CLSTN2: variants seen among roughly 807,000 people sequenced by gnomAD.
The protein encoded by CLSTN2 is calsyntenin-2.
A neutral mutation model predicts 101.2 loss-of-function variants in CLSTN2; 48 were observed. The ratio of observed to expected loss-of-function variants is 0.47; its 90% CI spans 0.38 to 0.60. CLSTN2 has a LOEUF of 0.60. Among genes scored for constraint, CLSTN2 ranks in the 20% least tolerant of loss-of-function variants. The pLI is 0.00. For missense variants in CLSTN2, 1,160 were observed against 1,238.2 expected, an observed-to-expected ratio of 0.94 and a Z score of 0.95; for synonymous variants, 481 against 463.6, an observed-to-expected ratio of 1.04 and a Z score of -0.48.
At chr3:140,274,089 C>G (rs115861241) in intron 2 of CLSTN2, among the ~76,000 whole-genome samples, 1 of 152,260 alleles carries the variant, frequency 6.6e-6, no homozygotes, top group South Asian at 2.1e-4. Flanking sequence ...ACCTCTGAGA[C>G]AGTGTCCTGG....
intron 1 of CLSTN2, among the ~76,000 whole-genome samples, chr3:140,161,462 C>CTT (rs2010045143): frequency 6.6e-6 from 1 of 152,112 alleles, no homozygotes; most frequent in East Asian, 1.9e-4. Flanking sequence ...AAGATGCTCC[C>CTT]CTTCCTTTTT....
intron 5 of CLSTN2, among the ~76,000 whole-genome samples, chr3:140,434,431 G>A (rs569995135): frequency 3.5e-4 from 53 of 152,310 alleles, no homozygotes; most frequent in African/African-American, 1.2e-3. Context: ...CAGCCCCTGG[G>A]AACCATGAGC....
At chr3:140,510,049 T>G (rs901160537) in intron 8 of CLSTN2, among the ~76,000 whole-genome samples, 2 of 152,244 alleles carry the variant, frequency 1.3e-5, no homozygotes, top group Non-Finnish European at 2.9e-5. Flanking sequence ...TACATTAGCC[T>G]ACAATTGGGC....
At chr3:140,482,061 T>C (rs1934129542) in intron 8 of CLSTN2, among the ~76,000 whole-genome samples, 1 of 152,228 alleles carries the variant, frequency 6.6e-6, no homozygotes, top group Non-Finnish European at 1.5e-5. Context: ...TTTTTGCCCA[T>C]TCAGTATGAT....
At chr3:140,215,971 G>A in intron 2 of CLSTN2, among the ~76,000 whole-genome samples, 1 of 152,128 alleles carries the variant, frequency 6.6e-6, no homozygotes, top group East Asian at 1.9e-4. Context: ...CCAACCCCTG[G>A]GGCCTCGGGC....
intron 1 of CLSTN2, among the ~76,000 whole-genome samples, chr3:140,005,297 T>C (rs1407361744): frequency 2.0e-5 from 3 of 152,336 alleles, no homozygotes; most frequent in African/African-American, 4.8e-5. Flanking sequence ...CTCTCCTCAC[T>C]CCAGATCTTC....
intron 1 of CLSTN2, among the ~76,000 whole-genome samples, chr3:140,124,663 C>G (rs2009400958): frequency 6.6e-6 from 1 of 152,140 alleles, no homozygotes; most frequent in Non-Finnish European, 1.5e-5. Context: ...GGGCAGCCAT[C>G]AGAGGCCCTG....
rs1489675036 is a variant in CLSTN2 at position 140,556,422 on chromosome 3, C to T, written c.1675-91C>T. The T allele has an allele frequency of 6.4e-6, 8 of 1,258,780 alleles. No homozygotes were observed. The East Asian group carries it at 7.0e-5, about 11-fold the overall frequency. The allele number at this position is 1,258,780 out of a possible 1,614,324, so 78.0% of individuals were successfully genotyped here. On this transcript the variant is annotated intron_variant, in intron 10 of 16. Transcript: ENST00000458420. ...ATGCTCTAGAGGTGTTTATGGTGAC[C>T]CTTGGTGCCCTGTATGGACAGGAAG...
At chr3:140,019,367 C>T (rs1457192718) in intron 1 of CLSTN2, among the ~76,000 whole-genome samples, 1 of 152,182 alleles carries the variant, frequency 6.6e-6, no homozygotes, top group Non-Finnish European at 1.5e-5. Context: ...AGACTGACCT[C>T]CCCTGGGTAA....
chr3:139,982,004 C>T (rs1935933087), intron 1 of CLSTN2, among the ~76,000 whole-genome samples: 1 of 152,280 alleles, frequency 6.6e-6, no homozygotes, highest in African/African-American at 2.4e-5. Context: ...TGAGCATTCC[C>T]TTTCCTCTAT....
chr3:140,002,816 C>G (rs1430883073), intron 1 of CLSTN2, among the ~76,000 whole-genome samples: 1 of 149,810 alleles, frequency 6.7e-6, no homozygotes, highest in Non-Finnish European at 1.5e-5. Flanking sequence ...TTTGAAGAGA[C>G]TGTATTTTCC....
intron 2 of CLSTN2, among the ~76,000 whole-genome samples, chr3:140,304,222 C>G (rs1422180717): frequency 6.6e-6 from 1 of 152,184 alleles, no homozygotes; most frequent in East Asian, 1.9e-4. Flanking sequence ...TTTTCCATCA[C>G]TGATAATCTA....
chr3:140,327,915 A>T (rs1033433192), intron 2 of CLSTN2, among the ~76,000 whole-genome samples: 12 of 152,218 alleles, frequency 7.9e-5, no homozygotes, highest in Non-Finnish European at 1.5e-4. Context: ...CCTAATATTA[A>T]ATTAGCCAAA....
intron 1 of CLSTN2, among the ~76,000 whole-genome samples, chr3:139,950,813 A>G (rs1043555074): frequency 6.6e-6 from 1 of 152,250 alleles, no homozygotes; most frequent in Non-Finnish European, 1.5e-5. Context: ...GCCCAACCAT[A>G]CAAAAGGAAG....
intron 2 of CLSTN2, among the ~76,000 whole-genome samples, chr3:140,350,319 C>T (rs956879505): frequency 2.6e-5 from 4 of 152,200 alleles, no homozygotes; most frequent in Non-Finnish European, 5.9e-5. Context: ...AATGAACTTG[C>T]AAATGCAGAT....
chr3:140,482,159 G>A (rs1313702651), intron 8 of CLSTN2, among the ~76,000 whole-genome samples: 1 of 152,194 alleles, frequency 6.6e-6, no homozygotes, highest in Non-Finnish European at 1.5e-5. Context: ...TCAGCATGAA[G>A]CGTTGTTGAA....
At chr3:140,123,984 G>C (rs2009389089) in intron 1 of CLSTN2, among the ~76,000 whole-genome samples, 1 of 151,910 alleles carries the variant, frequency 6.6e-6, no homozygotes, top group South Asian at 2.1e-4. Context: ...TGGGGGTTAG[G>C]GCTTCAACAT....
At chr3:140,410,322 C>A (rs79077757) in intron 4 of CLSTN2, among the ~76,000 whole-genome samples, 1 of 151,068 alleles carries the variant, frequency 6.6e-6, no homozygotes, top group Non-Finnish European at 1.5e-5. Flanking sequence ...ACATGGGAAC[C>A]TCACTGAAGC....
At chr3:140,484,106 G>T (rs931810157) in intron 8 of CLSTN2, among the ~76,000 whole-genome samples, 3 of 152,212 alleles carry the variant, frequency 2.0e-5, no homozygotes, top group Non-Finnish European at 4.4e-5. Flanking sequence ...GGTACCAGTT[G>T]TTCCTTTCCA....
Sources: allele counts gnomAD v4.1 joint callset (sites outside exome capture counted in the v4.1 genomes callset), GRCh38; gene constraint gnomAD v4.1.1; transcripts MANE v1.5; gene names NCBI Gene and HGNC (gene_info 2026-07-23, HGNC 2026-07-21).